Variants in CCSER1 observed in about 807,000 individuals in gnomAD.
CCSER1 encodes serine-rich coiled-coil domain-containing protein 1.
Under a neutral mutation model 82.0 loss-of-function variants are expected in CCSER1, and 41 were observed. That is an observed-to-expected ratio of 0.50 (90% confidence interval 0.39 to 0.65). CCSER1 has a LOEUF of 0.65. CCSER1 is among the 30% of genes least tolerant of loss of function. The pLI is 0.00. For synonymous variants in CCSER1, 414 were observed against 383.9 expected (o/e 1.08, Z -0.92); for missense variants, 1,119 against 1,064.2 (o/e 1.05, Z -0.72).
At chr4:91,253,006 A>C (rs529734442) in intron 10 of CCSER1, among the ~76,000 whole-genome samples, 1 of 151,918 alleles carries the variant, frequency 6.6e-6, no homozygotes, top group East Asian at 1.9e-4. Context: ...AGAGATTGGC[A>C]GAATGGACTA....
chr4:91,318,561 A>ATT (rs1745981969), intron 10 of CCSER1, among the ~76,000 whole-genome samples: 1 of 152,074 alleles, frequency 6.6e-6, no homozygotes, highest in South Asian at 2.1e-4. Flanking sequence ...GGATAATATT[A>ATT]ACCAAATAAG....
intron 8 of CCSER1, among the ~76,000 whole-genome samples, chr4:90,824,790 T>C (rs1760195250): frequency 6.6e-6 from 1 of 152,202 alleles, no homozygotes; most frequent in Admixed American, 6.5e-5. Context: ...TCAAATCCTC[T>C]TTCTTTTTCA....
chr4:90,872,704 C>T (rs1001189132), intron 8 of CCSER1, among the ~76,000 whole-genome samples: 11 of 151,858 alleles, frequency 7.2e-5, no homozygotes, highest in East Asian at 1.9e-4. Context: ...TTACTATTAC[C>T]GGTGAACTTT....
chr4:90,953,631 A>T (rs1351617888), intron 9 of CCSER1, among the ~76,000 whole-genome samples: 1 of 151,754 alleles, frequency 6.6e-6, no homozygotes, highest in Non-Finnish European at 1.5e-5. Context: ...AATATAGTTA[A>T]ATATAAATAT....
At chr4:90,658,194 G>A (rs1040750280) in intron 6 of CCSER1, among the ~76,000 whole-genome samples, 8 of 152,134 alleles carry the variant, frequency 5.3e-5, no homozygotes, top group South Asian at 4.1e-4. Context: ...TTTTATTTAT[G>A]TATTTATTTG....
chr4:91,368,218 A>G (rs1749778716), intron 10 of CCSER1, among the ~76,000 whole-genome samples: 1 of 152,174 alleles, frequency 6.6e-6, no homozygotes, highest in Admixed American at 6.6e-5. Context: ...TCAGATCCAT[A>G]ACTTACACTG....
chr4:90,407,030 AAAC>A (rs959998514), intron 4 of CCSER1, among the ~76,000 whole-genome samples: 5 of 152,332 alleles, frequency 3.3e-5, no homozygotes, highest in East Asian at 1.9e-4. Context: ...AATGAAACTG[AAAC>A]AACAACAACA....
chr4:91,217,082 C>T (rs1226657954), intron 10 of CCSER1, among the ~76,000 whole-genome samples: 1 of 152,120 alleles, frequency 6.6e-6, no homozygotes. Flanking sequence ...TAGTTTCTTC[C>T]TTCTGGTGGG....
chr4:91,146,958 T>C (rs1729603675), intron 10 of CCSER1, among the ~76,000 whole-genome samples: 1 of 152,194 alleles, frequency 6.6e-6, no homozygotes, highest in Non-Finnish European at 1.5e-5. Flanking sequence ...TCCTGGGCCT[T>C]GGTGGAGCCC....
At position 90,836,759 on chromosome 4, in the gene CCSER1, C is replaced by A. The variant is rs969536505; in HGVS notation, c.2094+20914C>A. On this transcript the variant is annotated intron_variant, in intron 8 of 10. Transcript: ENST00000509176. ...CCCTCAGAACCTCAGAGGTAACATT[C>A]CTCTGGTGGACTTCATCAAGTGTTC... is the stretch of plus-strand genomic sequence containing the variant. Among the ~76,000 whole-genome samples, 11 of 152,310 alleles carry A rather than the reference C, an allele frequency of 7.2e-5. No individual in the cohort carries two copies. In the East Asian group the frequency reaches 2.1e-3, roughly 29 times the overall value.
intron 6 of CCSER1, among the ~76,000 whole-genome samples, chr4:90,693,855 A>G (rs1044655711): frequency 6.6e-6 from 1 of 151,670 alleles, no homozygotes; most frequent in African/African-American, 2.4e-5. Context: ...GCACAATGCT[A>G]TGAGGAGGAA....
chr4:90,170,403 C>T (rs1457451925), intron 1 of CCSER1, among the ~76,000 whole-genome samples: 1 of 149,676 alleles, frequency 6.7e-6, no homozygotes, highest in East Asian at 1.9e-4. Context: ...TAACAGCTAA[C>T]CTTTTTTTTT....
chr4:90,377,980 AT>A (rs1415209314), intron 3 of CCSER1, among the ~76,000 whole-genome samples: 5 of 152,060 alleles, frequency 3.3e-5, no homozygotes, highest in Non-Finnish European at 7.4e-5. Context: ...TCTCCTAGTC[AT>A]TTAGTTTTTA....
chr4:90,235,337 A>G (rs978871824), intron 1 of CCSER1: 1 of 152,320 alleles, frequency 6.6e-6, no homozygotes, highest in South Asian at 2.1e-4. Context: ...ATAGAAGACA[A>G]TTGGAGGTAT....
intron 5 of CCSER1, among the ~76,000 whole-genome samples, chr4:90,528,852 T>A (rs1774125133): frequency 6.6e-6 from 1 of 152,202 alleles, no homozygotes; most frequent in Non-Finnish European, 1.5e-5. Flanking sequence ...TATGTTATCA[T>A]CATTTTCAAC....
intron 5 of CCSER1, among the ~76,000 whole-genome samples, chr4:90,483,299 A>C (rs1284366931): frequency 6.6e-6 from 1 of 152,170 alleles, no homozygotes; most frequent in Non-Finnish European, 1.5e-5. Context: ...TGAATACAGC[A>C]CACTAATGGG....
chr4:90,291,947 G>C (rs1731011870), intron 1 of CCSER1, among the ~76,000 whole-genome samples: 1 of 151,734 alleles, frequency 6.6e-6, no homozygotes, highest in Non-Finnish European at 1.5e-5. Flanking sequence ...ATACTTCCTT[G>C]GTTCTAAAAC....
At chr4:90,840,263 A>G (rs1004890320) in intron 8 of CCSER1, among the ~76,000 whole-genome samples, 9 of 152,276 alleles carry the variant, frequency 5.9e-5, no homozygotes, top group African/African-American at 2.2e-4. Flanking sequence ...ATGAGGAGAA[A>G]GGTTGTATCT....
chr4:91,282,760 G>A (rs59829634), intron 10 of CCSER1, among the ~76,000 whole-genome samples: 1 of 152,070 alleles, frequency 6.6e-6, no homozygotes, highest in Admixed American at 6.6e-5. Context: ...TAGAAGTAAG[G>A]TTCATTAAAA....
Sources: allele counts gnomAD v4.1 joint callset (sites outside exome capture counted in the v4.1 genomes callset), GRCh38; gene constraint gnomAD v4.1.1; transcripts MANE v1.5; gene names NCBI Gene and HGNC (gene_info 2026-07-23, HGNC 2026-07-21).